CBFA2T2: variants seen among roughly 807,000 people sequenced by gnomAD.
The protein encoded by CBFA2T2 is protein CBFA2T2.
Under a neutral mutation model 62.2 loss-of-function variants are expected in CBFA2T2, and 11 were observed. That is an observed-to-expected ratio of 0.18 (90% CI 0.11 to 0.29). CBFA2T2 has a LOEUF of 0.29. Ranked by LOEUF, CBFA2T2 falls within the 10% of genes least tolerant of loss-of-function variation. CBFA2T2 has a pLI of 1.00. For missense variants in CBFA2T2, 592 were observed against 774.1 expected, an observed-to-expected ratio of 0.76 and a Z score of 2.79; for synonymous variants, 295 against 287.5, an observed-to-expected ratio of 1.03 and a Z score of -0.27.
chr20:33,548,093 A>C (rs2146882824), intron 1 of CBFA2T2, among the ~76,000 whole-genome samples: 1 of 151,856 alleles, frequency 6.6e-6, no homozygotes, highest in Non-Finnish European at 1.5e-5. Context: ...TAGGAAGAAG[A>C]AATAATTCCA....
intron 1 of CBFA2T2, among the ~76,000 whole-genome samples, chr20:33,570,000 C>T (rs1220792916): frequency 6.6e-6 from 1 of 152,134 alleles, no homozygotes; most frequent in Non-Finnish European, 1.5e-5. Context: ...TCAAGACAAG[C>T]CTGGGCAACA....
At chr20:33,512,984 C>A (rs2011536570) in intron 1 of CBFA2T2, among the ~76,000 whole-genome samples, 1 of 152,096 alleles carries the variant, frequency 6.6e-6, no homozygotes, top group Non-Finnish European at 1.5e-5. Flanking sequence ...GATCTCCTGA[C>A]CTTGTGATCC....
In CBFA2T2 at chr20:33,640,485, C is replaced by T. The variant is rs746072691; in HGVS notation, c.1442C>T (p.Ala481Val). ...QTIADVKRQA[A>V]EDAFLVINEQ... ...ATAGCGGATGTCAAGCGGCAGGCCG[C>T]AGAGGATGCTTTCCTCGTCATCAAT... is the stretch of plus-strand genomic sequence containing the variant. The change falls in exon 10 of 11, where the codon GCA (alanine) becomes GTA (valine). Residue 481 changes from alanine (A) to valine (V), a missense_variant. Around this residue, in one of 3 missense-constraint regions of CBFA2T2, gnomAD observed 58 missense variants for 123.9 expected, o/e 0.47. Transcript: ENST00000342704. 1 of 1,614,252 alleles carries T rather than the reference C, an allele frequency of 6.2e-7. No homozygotes were observed. The highest frequency in any genetic ancestry group is 1.1e-5 in the South Asian group (1 of 91,088).
Position 33,574,205 on chromosome 20 carries a change from C to T in CBFA2T2, c.35-32751C>T, listed in dbSNP as rs150186997. 16 of 1,613,296 alleles carry T rather than the reference C, an allele frequency of 9.9e-6. No individual in the cohort carries two copies. The East Asian group carries it at 2.7e-4, about 27-fold the overall frequency. ...CATAAGCAGATCACCAGGTGAATGG[C>T]TAAAGAATCTGGAATAAGCTTGAAA... On this transcript the variant is annotated intron_variant, in intron 1 of 10. Transcript: ENST00000342704.
At chr20:33,596,471 C>A (rs1439096582) in intron 1 of CBFA2T2, among the ~76,000 whole-genome samples, 1 of 152,160 alleles carries the variant, frequency 6.6e-6, no homozygotes, top group Non-Finnish European at 1.5e-5. Context: ...TATATTTATT[C>A]TTGAAATTCA....
At chr20:33,603,239 T>C (rs903234145) in intron 1 of CBFA2T2, among the ~76,000 whole-genome samples, 3 of 152,194 alleles carry the variant, frequency 2.0e-5, no homozygotes, top group African/African-American at 4.8e-5. Context: ...TAAATTCCTA[T>C]GTAGGAAAAA....
intron 1 of CBFA2T2, among the ~76,000 whole-genome samples, chr20:33,513,119 T>C (rs975995331): frequency 6.6e-6 from 1 of 152,172 alleles, no homozygotes; most frequent in Non-Finnish European, 1.5e-5. Flanking sequence ...AGTGTGCATA[T>C]GTTCAGCTTT....
intron 1 of CBFA2T2, among the ~76,000 whole-genome samples, chr20:33,583,401 G>C (rs942682818): frequency 2.0e-5 from 3 of 152,220 alleles, no homozygotes; most frequent in Non-Finnish European, 2.9e-5. Context: ...TGGGTAGACT[G>C]AGTATATGAC....
At position 33,644,501 on chromosome 20, in the gene CBFA2T2, G is replaced by A. The variant is rs764940496; in HGVS notation, c.1643G>A (p.Arg548Gln). The change falls in exon 11 of 11, where the codon CGG (arginine) becomes CAG (glutamine). Residue 548 changes from arginine (R) to glutamine (Q), a missense_variant. By Grantham distance (43) the Arg-to-Gln change is conservative. Transcript: ENST00000342704. ...LHGQSPHGQG[R>Q]PLLPVGRGSS... ...GGCCAGAGCCCCCACGGCCAGGGCCGGCCGCTGCTTCCTGTAGGCAGGGGC... is the reference window on the plus strand; with the variant it reads ...GGCCAGAGCCCCCACGGCCAGGGCCAGCCGCTGCTTCCTGTAGGCAGGGGC... 1.9e-5 allele frequency: 30 copies of A among 1,613,946 alleles called. No homozygotes were observed. The highest frequency in any genetic ancestry group is 6.7e-5 in the Admixed American group (4 of 60,010).
chr20:33,519,249 C>A (rs1459733584), intron 1 of CBFA2T2, among the ~76,000 whole-genome samples: 1 of 152,112 alleles, frequency 6.6e-6, no homozygotes, highest in African/African-American at 2.4e-5. Context: ...ATGGGCAGAT[C>A]ACCTGAGATC....
At chr20:33,589,546 T>C (rs765142619) in intron 1 of CBFA2T2, among the ~76,000 whole-genome samples, 1 of 152,232 alleles carries the variant, frequency 6.6e-6, no homozygotes, top group Non-Finnish European at 1.5e-5. Flanking sequence ...TAAAGATGAA[T>C]TCGTTTCTTT....
chr20:33,623,340 C>G, intron 5 of CBFA2T2, 44 bp downstream of exon 5: 1 of 1,597,682 alleles, frequency 6.3e-7, no homozygotes, highest in Non-Finnish European at 8.6e-7. Context: ...TGGAACCGCA[C>G]TGGTCCTCCC....
chr20:33,501,012 T>C (rs2011270918), intron 1 of CBFA2T2, among the ~76,000 whole-genome samples: 1 of 152,250 alleles, frequency 6.6e-6, no homozygotes, highest in South Asian at 2.1e-4. Context: ...ATATAGACTA[T>C]GCAATGAAGC....
chr20:33,495,935 C>T (rs1198763137), intron 1 of CBFA2T2, among the ~76,000 whole-genome samples: 1 of 152,036 alleles, frequency 6.6e-6, no homozygotes, highest in Non-Finnish European at 1.5e-5. Context: ...TACTTAAAAC[C>T]GTGCTTGACA....
chr20:33,606,126 A>G (rs918097028), intron 1 of CBFA2T2, among the ~76,000 whole-genome samples: 6 of 152,034 alleles, frequency 3.9e-5, no homozygotes, highest in Admixed American at 6.6e-5. Flanking sequence ...GCCTATTAAT[A>G]TTGATTTATA....
chr20:33,492,621 TCTC>T (rs1306875059), intron 1 of CBFA2T2, among the ~76,000 whole-genome samples: 1 of 151,922 alleles, frequency 6.6e-6, no homozygotes, highest in African/African-American at 2.4e-5. Flanking sequence ...TTCAAGTGAT[TCTC>T]CTGCCTCAGC....
chr20:33,644,771 A>G lies in CBFA2T2; in HGVS notation c.*125A>G. The G allele has an allele frequency of 4.9e-6, 5 of 1,027,184 alleles. No homozygotes were observed. The South Asian group carries it at 7.9e-5, about 16-fold the overall frequency. 63.6% of individuals were successfully genotyped at this position (1,027,184 alleles called of 1,614,324 possible). A position where few individuals can be genotyped will look rare whatever the true frequency, so the allele number is the denominator to read the frequency against. ...AGCAAGAAATGAATTGGAGGCAGGAAGAGTCCAAGCCTGAATAATAACACC... is the reference window on the plus strand; with the variant it reads ...AGCAAGAAATGAATTGGAGGCAGGAGGAGTCCAAGCCTGAATAATAACACC... On this transcript the variant is annotated 3_prime_UTR_variant, in exon 11 of 11. Coordinates refer to ENST00000342704, the MANE Select transcript of CBFA2T2 (RefSeq NM_001032999.3).
chr20:33,570,617 T>G, intron 1 of CBFA2T2, among the ~76,000 whole-genome samples: 1 of 152,172 alleles, frequency 6.6e-6, no homozygotes, highest in Admixed American at 6.5e-5. Flanking sequence ...CTATAGATAT[T>G]GTCGTCTTGA....
At chr20:33,534,406 A>G (rs2012145376) in intron 1 of CBFA2T2, among the ~76,000 whole-genome samples, 1 of 152,000 alleles carries the variant, frequency 6.6e-6, no homozygotes, top group African/African-American at 2.4e-5. Flanking sequence ...TGCAGCCTCC[A>G]CCTCCTGGGT....
Sources: allele counts gnomAD v4.1 joint callset (sites outside exome capture counted in the v4.1 genomes callset), GRCh38; gene constraint gnomAD v4.1.1; regional missense constraint gnomAD v4.1.1; transcripts MANE v1.5; gene names NCBI Gene and HGNC (gene_info 2026-07-23, HGNC 2026-07-21).